The following PRMT3 variants were observed in gnomAD, a reference collection of about 807,000 sequenced individuals.
The protein encoded by PRMT3 is protein arginine N-methyltransferase 3.
A neutral mutation model predicts 71.9 loss-of-function variants in PRMT3; 62 were observed. That is an observed-to-expected ratio of 0.86 (90% CI 0.70 to 1.07). The LOEUF is 1.07. Among genes scored for constraint, PRMT3 ranks in the 50% least tolerant of loss-of-function variants. The pLI is 0.00. For missense variants in PRMT3, 663 were observed against 643.0 expected (o/e 1.03, Z -0.34); for synonymous variants, 213 against 220.4 (o/e 0.97, Z 0.30).
At chr11:20,467,664 G>A (rs1850544759) in intron 13 of PRMT3, among the ~76,000 whole-genome samples, 1 of 152,168 alleles carries the variant, frequency 6.6e-6, no homozygotes, top group African/African-American at 2.4e-5. Context: ...GATGAAATCA[G>A]TACCAGAGTT....
rs190323372 is a variant in PRMT3, at chr11:20,462,870, T to C, written c.1260+703T>C. ...TTAGGTTCAGGATATTGTCTTTGTC[T>C]CAAGAGAAAAAAAAAAAAAGAGTCT... is the stretch of plus-strand genomic sequence containing the variant. On this transcript the variant is annotated intron_variant, in intron 12 of 15. Transcript: ENST00000331079. Among the ~76,000 whole-genome samples the C allele has an allele frequency of 1.5e-3, 223 of 150,944 alleles. 1 individual carries two copies. The highest frequency in any genetic ancestry group is 5.2e-3 in the African/African-American group (214 of 41,026).
intron 9 of PRMT3, 46 bp downstream of exon 9, chr11:20,408,078 T>G: frequency 7.4e-7 from 1 of 1,353,740 alleles, no homozygotes; most frequent in Non-Finnish European, 1.0e-6. Flanking sequence ...TAAAATTTAA[T>G]GATTATTTAA....
At position 20,392,211 on chromosome 11, in the gene PRMT3, G is replaced by A. The variant is rs200823081; in HGVS notation, c.248G>A (p.Gly83Glu). 427 of 1,572,276 alleles carry A rather than the reference G, an allele frequency of 2.7e-4. 2 individuals carry two copies. Among genetic ancestry groups the A allele is most frequent in the Non-Finnish European group, 6.4e-5 (74 of 1,152,136 alleles). Residue 83 changes from glycine to glutamate, a missense_variant and splice_region_variant, in exon 4 of 16, where the codon GGA becomes GAA. By Grantham distance (98) the Gly-to-Glu change is moderately conservative. Transcript: ENST00000331079. ...GTGAATTATCTTTTTCCCCCTTTAGGACTTGAATTTTATGGATACATTAAG... is the reference window on the plus strand; with the variant it reads ...GTGAATTATCTTTTTCCCCCTTTAGAACTTGAATTTTATGGATACATTAAG... ...FNIDSMVHKH[G>E]LEFYGYIKLI... is the part of the protein sequence containing the mutation.
intron 6 of PRMT3, among the ~76,000 whole-genome samples, chr11:20,397,011 A>AC (rs1848841318): frequency 6.6e-6 from 1 of 152,136 alleles, no homozygotes; most frequent in South Asian, 2.1e-4. Flanking sequence ...ATGCTAGGTA[A>AC]CCAAGTAACC....
intron 10 of PRMT3, among the ~76,000 whole-genome samples, chr11:20,435,179 C>T (rs1475595474): frequency 6.6e-6 from 1 of 152,064 alleles, no homozygotes; most frequent in Non-Finnish European, 1.5e-5. Context: ...AATCTAAAGC[C>T]TTACATTTAA....
At chr11:20,431,055 G>A (rs1849644141) in intron 10 of PRMT3, among the ~76,000 whole-genome samples, 3 of 152,114 alleles carry the variant, frequency 2.0e-5, no homozygotes, top group Admixed American at 6.5e-5. Flanking sequence ...CTCATTTGGT[G>A]TTGCTATATT....
intron 10 of PRMT3, among the ~76,000 whole-genome samples, chr11:20,430,310 G>C (rs747574487): frequency 1.3e-5 from 2 of 152,090 alleles, no homozygotes; most frequent in Non-Finnish European, 2.9e-5. Flanking sequence ...TGTGTAATCC[G>C]GTATAGCAGT....
chr11:20,481,460 A>G (rs758744820), intron 13 of PRMT3, among the ~76,000 whole-genome samples: 14 of 152,098 alleles, frequency 9.2e-5, no homozygotes, highest in Non-Finnish European at 5.9e-5. Context: ...TTTTAATACA[A>G]TATGGCACTC....
intron 15 of PRMT3, among the ~76,000 whole-genome samples, chr11:20,499,999 G>C (rs948701209): frequency 6.6e-6 from 1 of 152,142 alleles, no homozygotes; most frequent in African/African-American, 2.4e-5. Context: ...GGAATTCTAA[G>C]TACCAGCAAA....
chr11:20,489,480 T>C (rs1251703440), intron 13 of PRMT3, among the ~76,000 whole-genome samples: 1 of 152,210 alleles, frequency 6.6e-6, no homozygotes, highest in Non-Finnish European at 1.5e-5. Flanking sequence ...CATTATTTCC[T>C]ATGGTTGTTT....
intron 11 of PRMT3, among the ~76,000 whole-genome samples, chr11:20,456,738 G>A (rs1850275049): frequency 6.6e-6 from 1 of 152,050 alleles, no homozygotes; most frequent in Admixed American, 6.6e-5. Flanking sequence ...AAAAAAGACT[G>A]CTAGAATTAT....
At chr11:20,426,679 A>C in intron 9 of PRMT3, 87 bp from the exon 10 acceptor site, 2 of 1,261,828 alleles carry the variant, frequency 1.6e-6, no homozygotes, top group Non-Finnish European at 2.0e-6. Flanking sequence ...CCCACAAAAC[A>C]ATACGAGTTG....
At chr11:20,491,571 T>G (rs779091998) in intron 13 of PRMT3, among the ~76,000 whole-genome samples, 76 of 152,236 alleles carry the variant, frequency 5.0e-4, no homozygotes, top group Non-Finnish European at 8.1e-4. Context: ...GCCTTTGTTA[T>G]GCTGTTTTGA....
intron 10 of PRMT3, among the ~76,000 whole-genome samples, chr11:20,433,533 T>A (rs1371828474): frequency 6.6e-6 from 1 of 152,202 alleles, no homozygotes; most frequent in Non-Finnish European, 1.5e-5. Context: ...TTCATGTGCA[T>A]CTTGCTCTTT....
At chr11:20,503,303 G>A (rs1301451422) in intron 15 of PRMT3, among the ~76,000 whole-genome samples, 2 of 152,036 alleles carry the variant, frequency 1.3e-5, no homozygotes, top group Non-Finnish European at 2.9e-5. Context: ...TATGTACTGA[G>A]TCTTCATAAT....
At chr11:20,403,114 G>T in intron 8 of PRMT3, 130 bp downstream of exon 8, 2 of 692,364 alleles carry the variant, frequency 2.9e-6, no homozygotes, top group Non-Finnish European at 2.5e-6. Context: ...AGACATTTAT[G>T]ATGCTGCTCT....
Position 20,464,055 on chromosome 11 carries a change from T to C in PRMT3, c.1261-405T>C, listed in dbSNP as rs571941333. 7.9e-5 allele frequency among the ~76,000 whole-genome samples: 12 copies of C among 152,316 alleles called. No individual in the cohort carries two copies. The South Asian group carries it at 2.1e-3, about 26-fold the overall frequency. On this transcript the variant is annotated intron_variant, in intron 12 of 15. Coordinates refer to ENST00000331079, the MANE Select transcript of PRMT3 (RefSeq NM_005788.4). ...GTTCCTATAAATGTATTGACTGTTA[T>C]CACACATATTTTATAGCAGTTGTGG...
chr11:20,393,044 T>G, intron 5 of PRMT3, 45 bp downstream of exon 5: 1 of 1,254,146 alleles, frequency 8.0e-7, no homozygotes. Flanking sequence ...CATAAGGCCG[T>G]TTGTTAACGG....
At position 20,508,618 on chromosome 11, in the gene PRMT3, G is replaced by C; in HGVS notation, c.*205G>C. The stretch of plus-strand genomic sequence containing the variant: ...TCAGCTGATCCTCATGGTCTGCCAC[G>C]TAATCATTTTCTTAGACGTTTGCTC... On this transcript the variant is annotated 3_prime_UTR_variant, in exon 16 of 16. Coordinates refer to ENST00000331079, the MANE Select transcript of PRMT3 (RefSeq NM_005788.4). 1 of 672,072 alleles carries C rather than the reference G, an allele frequency of 1.5e-6. No individual in the cohort carries two copies. The highest frequency in any genetic ancestry group is 2.7e-6 in the Non-Finnish European group (1 of 365,338). 41.6% of individuals were successfully genotyped at this position (672,072 alleles called of 1,614,324 possible).
Sources: gnomAD v4.1 joint callset for allele counts (sites outside exome capture counted in the v4.1 genomes callset) on GRCh38, gnomAD v4.1.1 for gene constraint, MANE v1.5 for transcripts, NCBI Gene and HGNC (gene_info 2026-07-23, HGNC 2026-07-21) for gene names.